The following TTC7A variants were observed in gnomAD, a reference collection of about 807,000 sequenced individuals.
TTC7A encodes the protein tetratricopeptide repeat protein 7A.
Under a neutral mutation model 103.7 loss-of-function variants are expected in TTC7A, and 110 were observed. The ratio of observed to expected loss-of-function variants is 1.06; its 90% CI spans 0.91 to 1.24. The LOEUF is 1.24. Ranked by LOEUF, TTC7A falls within the 50% of genes most tolerant of loss-of-function variation. The pLI is 0.00. For synonymous variants in TTC7A, 521 were observed against 467.9 expected (o/e 1.11, Z -1.47); for missense variants, 1,340 against 1,116.3 (o/e 1.20, Z -2.86).
chr2:46,991,930 G>A (rs1030260381), intron 5 of TTC7A, among the ~76,000 whole-genome samples: 11 of 152,176 alleles, frequency 7.2e-5, no homozygotes, highest in African/African-American at 2.7e-4. Flanking sequence ...TCTTGCTTGC[G>A]TGTCCTGAGG....
chr2:47,013,303 A>G lies in TTC7A; in HGVS notation c.1392+1868A>G, dbSNP rs374665350. 2.6e-4 allele frequency among the ~76,000 whole-genome samples: 39 copies of G among 152,254 alleles called. No homozygotes were observed. The East Asian group carries it at 4.6e-3, about 18-fold the overall frequency. Reference sequence around the variant, plus strand: ...AGGTCTTTTGGGGAAGACAGTTGGCACCCAGAGGTAGGGCGACCTTGTGAG... The same window carrying G: ...AGGTCTTTTGGGGAAGACAGTTGGCGCCCAGAGGTAGGGCGACCTTGTGAG... On this transcript the variant is annotated intron_variant, in intron 11 of 19. Transcript: ENST00000319190.
Position 46,994,629 on chromosome 2 carries a change from C to T in TTC7A, c.1001+115C>T, listed in dbSNP as rs894102456. On this transcript the variant is annotated intron_variant, in intron 7 of 19. Transcript: ENST00000319190. ...TCTCCTCCAGTCTCCACTCAGCACACTGCCAGCCAGCCTCCTCAGTCTCAG... is the reference window on the plus strand; with the variant it reads ...TCTCCTCCAGTCTCCACTCAGCACATTGCCAGCCAGCCTCCTCAGTCTCAG... The T allele has an allele frequency of 2.4e-5, 26 of 1,066,918 alleles. No homozygotes were observed. In the African/African-American group the frequency reaches 3.3e-4, roughly 14 times the overall value. 66.1% of individuals were successfully genotyped at this position (1,066,918 alleles called of 1,614,324 possible). A position where few individuals can be genotyped will look rare whatever the true frequency, so the allele number is the denominator to read the frequency against.
In TTC7A at chr2:46,950,486, A is replaced by C; in HGVS notation, c.308A>C (p.Lys103Thr). 2 of 1,614,194 alleles carry C rather than the reference A, an allele frequency of 1.2e-6. No individual in the cohort carries two copies. Among genetic ancestry groups the C allele is most frequent in the African/African-American group, 1.3e-5 (1 of 75,040 alleles). ...EKNEPKMSEA[K>T]NYLSSILNHG... Reference sequence around the variant, plus strand: ...AATGAGCCGAAGATGAGCGAAGCCAAAAATTATCTAAGCAGTATCCTTAAC... The same window carrying C: ...AATGAGCCGAAGATGAGCGAAGCCACAAATTATCTAAGCAGTATCCTTAAC... Residue 103 changes from lysine to threonine, a missense_variant, in exon 2 of 20, where the codon AAA becomes ACA. Transcript: ENST00000319190.
chr2:47,046,716 C>A, intron 16 of TTC7A: 1 of 425,742 alleles, frequency 2.3e-6, no homozygotes, highest in South Asian at 3.1e-5. Flanking sequence ...TGGGCTTGTT[C>A]CTTTATCTTA....
rs773052982 is a variant in TTC7A at position 47,060,895 on chromosome 2, A to G, written c.2279A>G (p.Asn760Ser). The G allele has an allele frequency of 8.7e-6, 14 of 1,614,088 alleles. No individual in the cohort carries two copies. The highest frequency in any genetic ancestry group is 4.5e-5 in the East Asian group (2 of 44,894). ...MRGRLAEVKG[N>S]LEEAKQLYKE... ...GGCCGGCTGGCTGAGGTGAAGGGCA[A>G]CCTGGAGGAGGCCAAGCAGCTGTAC... The change falls in exon 19 of 20, where the codon AAC becomes AGC. Residue 760 changes from asparagine (N) to serine (S), a missense_variant. Asn to Ser is a conservative substitution (Grantham distance 46). Transcript: ENST00000319190.
chr2:46,935,769 G>T (rs372225221), intron 2 of TTC7A, among the ~76,000 whole-genome samples: 1 of 152,106 alleles, frequency 6.6e-6, no homozygotes, highest in African/African-American at 2.4e-5. Flanking sequence ...TGCAAGTCTT[G>T]TATTGGACCC....
intron 18 of TTC7A, among the ~76,000 whole-genome samples, chr2:47,059,915 G>T (rs1411481297): frequency 6.6e-6 from 1 of 152,160 alleles, no homozygotes; most frequent in Non-Finnish European, 1.5e-5. Context: ...TCGGCATTTT[G>T]GGAGACTGAG....
At chr2:46,958,720 C>T (rs1164379058) in intron 3 of TTC7A, among the ~76,000 whole-genome samples, 2 of 152,222 alleles carry the variant, frequency 1.3e-5, no homozygotes, top group Admixed American at 1.3e-4. Flanking sequence ...TGAGGTTTGC[C>T]TGACCCTGTG....
At chr2:46,964,733 C>G (rs1436627174) in intron 3 of TTC7A, among the ~76,000 whole-genome samples, 1 of 152,306 alleles carries the variant, frequency 6.6e-6, no homozygotes, top group African/African-American at 2.4e-5. Context: ...ACATCTCTAG[C>G]TTTAGCCCGT....
At chr2:46,975,633 C>T (rs995896173) in intron 4 of TTC7A, among the ~76,000 whole-genome samples, 1 of 152,116 alleles carries the variant, frequency 6.6e-6, no homozygotes, top group African/African-American at 2.4e-5. Context: ...CAGGTGGTAG[C>T]AGCGTTTGCG....
chr2:47,010,562 TG>T (rs1230429512), intron 10 of TTC7A, among the ~76,000 whole-genome samples: 4 of 145,070 alleles, frequency 2.8e-5, no homozygotes, highest in African/African-American at 7.5e-5. Context: ...CCCTGAAGCC[TG>T]GGGGGATCCT....
intron 17 of TTC7A, among the ~76,000 whole-genome samples, chr2:47,051,290 T>G (rs1257746444): frequency 6.6e-6 from 1 of 152,248 alleles, no homozygotes; most frequent in African/African-American, 2.4e-5. Flanking sequence ...GGTCCTATTC[T>G]TTTGTAACTT....
At chr2:47,060,254 C>G (rs1683655720) in intron 18 of TTC7A, among the ~76,000 whole-genome samples, 1 of 152,114 alleles carries the variant, frequency 6.6e-6, no homozygotes, top group African/African-American at 2.4e-5. Context: ...CCTGTAACCC[C>G]AGCTACTCAG....
chr2:46,967,910 G>A (rs1334335514), intron 3 of TTC7A, among the ~76,000 whole-genome samples: 4 of 151,644 alleles, frequency 2.6e-5, no homozygotes, highest in Admixed American at 6.6e-5. Flanking sequence ...GCATTTTTTC[G>A]CTTCTTCCCG....
Position 47,006,700 on chromosome 2 carries a change from C to A in TTC7A, c.1263C>A (p.Ala421=). 1 of 1,614,030 alleles carries A rather than the reference C, an allele frequency of 6.2e-7. No individual in the cohort carries two copies. Among genetic ancestry groups the A allele is most frequent in the Non-Finnish European group, 8.5e-7 (1 of 1,179,872 alleles). ...AATTTCACCTTTGGTACCAGGTGGC[C>A]CTCTCCATGGTGGCTTGTGGGAAGG... ...FGEFHLWYQV[A]LSMVACGKSA... Residue 421 remains alanine, a synonymous_variant, in exon 10 of 20, where the codon GCC becomes GCA. Transcript: ENST00000319190.
chr2:46,963,706 C>G (rs1320393073), intron 3 of TTC7A, among the ~76,000 whole-genome samples: 1 of 151,984 alleles, frequency 6.6e-6, no homozygotes, highest in Admixed American at 6.6e-5. Context: ...GTTGTTGGAG[C>G]AGCATGGCAT....
intron 19 of TTC7A, among the ~76,000 whole-genome samples, chr2:47,067,645 T>G (rs1684290478): frequency 6.6e-6 from 1 of 152,170 alleles, no homozygotes; most frequent in South Asian, 2.1e-4. Flanking sequence ...TGGACCTGAG[T>G]CCCACTTTGC....
At chr2:46,982,090 G>C (rs951902994) in intron 5 of TTC7A, among the ~76,000 whole-genome samples, 1 of 152,226 alleles carries the variant, frequency 6.6e-6, no homozygotes, top group Non-Finnish European at 1.5e-5. Context: ...AGGGTGGAAG[G>C]AGCTGGGAGC....
intron 3 of TTC7A, among the ~76,000 whole-genome samples, chr2:46,969,627 G>C (rs1374376999): frequency 1.3e-5 from 2 of 151,974 alleles, no homozygotes; most frequent in African/African-American, 2.4e-5. Context: ...TGCTGGCCAG[G>C]ATGGTCTCAA....
Sources: allele counts gnomAD v4.1 joint callset (sites outside exome capture counted in the v4.1 genomes callset), GRCh38; gene constraint gnomAD v4.1.1; transcripts MANE v1.5; gene names NCBI Gene and HGNC (gene_info 2026-07-23, HGNC 2026-07-21).